BCAR3: variants seen among roughly 807,000 people sequenced by gnomAD.
BCAR3 encodes the protein breast cancer anti-estrogen resistance protein 3.
In BCAR3, 37 loss-of-function variants were observed where a neutral mutation model predicts 80.1. The ratio of observed to expected loss-of-function variants is 0.46; its 90% CI spans 0.36 to 0.61. BCAR3 has a LOEUF of 0.61. Ranked by LOEUF, BCAR3 falls within the 20% of genes least tolerant of loss-of-function variation. The probability of loss-of-function intolerance (pLI) is 0.00; values close to 1 mark genes in which losing one functional copy is unlikely to be tolerated. For synonymous variants in BCAR3, 389 were observed against 418.9 expected (o/e 0.93, Z 0.87); for missense variants, 978 against 1,068.2 (o/e 0.92, Z 1.18).
chr1:93,672,334 C>G (rs3754200), intron 2 of BCAR3, among the ~76,000 whole-genome samples: 3,673 of 152,234 alleles, frequency 0.024, 100 homozygotes, highest in East Asian at 0.14. Flanking sequence ...CCACCCACCC[C>G]CCTAGTGTGG....
chr1:93,711,016 A>G (rs1260546423), intron 2 of BCAR3, among the ~76,000 whole-genome samples: 1 of 151,080 alleles, frequency 6.6e-6, no homozygotes, highest in East Asian at 2.0e-4. Context: ...TCCTTACCAT[A>G]TGACCCCTCC....
At chr1:93,688,046 A>T (rs542693850) in intron 3 of BCAR3, among the ~76,000 whole-genome samples, 1 of 152,378 alleles carries the variant, frequency 6.6e-6, no homozygotes, top group African/African-American at 2.4e-5. Context: ...AAATTCTGCA[A>T]TATTTTCAGA....
chr1:93,593,427 T>A (rs1674293073), intron 3 of BCAR3, among the ~76,000 whole-genome samples: 1 of 152,194 alleles, frequency 6.6e-6, no homozygotes. Context: ...CTCAGCTCAC[T>A]GTAGCCTTGG....
At chr1:93,747,155 G>T (rs61781049) in intron 2 of BCAR3, among the ~76,000 whole-genome samples, 9,664 of 152,282 alleles carry the variant, frequency 0.063, 365 homozygotes, top group South Asian at 0.091. Context: ...AGGAGAGGTA[G>T]TCTGGATACT....
chr1:93,644,671 A>G (rs1307696744), intron 2 of BCAR3, among the ~76,000 whole-genome samples: 1 of 152,148 alleles, frequency 6.6e-6, no homozygotes, highest in Non-Finnish European at 1.5e-5. Context: ...GACTCTTTTC[A>G]TTGACAATAA....
intron 3 of BCAR3, among the ~76,000 whole-genome samples, chr1:93,621,997 G>T (rs968321056): frequency 2.6e-5 from 4 of 152,056 alleles, no homozygotes; most frequent in Non-Finnish European, 4.4e-5. Flanking sequence ...TCAGCCTCCC[G>T]AGTAGCTGGG....
chr1:93,810,682 T>C (rs139351842), intron 2 of BCAR3, among the ~76,000 whole-genome samples: 2 of 152,198 alleles, frequency 1.3e-5, no homozygotes, highest in South Asian at 2.1e-4. Context: ...CGTGCCCAGA[T>C]AGTACTGGCT....
intron 3 of BCAR3, chr1:93,594,662 G>A (rs909645228): frequency 2.0e-5 from 3 of 152,234 alleles, no homozygotes; most frequent in Admixed American, 6.5e-5. Context: ...CCCCCATTGA[G>A]TCACCCTGAC....
intron 3 of BCAR3, among the ~76,000 whole-genome samples, chr1:93,619,446 T>A (rs920685924): frequency 1.3e-5 from 2 of 152,170 alleles, no homozygotes; most frequent in Non-Finnish European, 2.9e-5. Flanking sequence ...ATTCACCACC[T>A]ACTTCCCAAG....
chr1:93,674,079 T>C (rs559774952), intron 2 of BCAR3, among the ~76,000 whole-genome samples: 18 of 152,328 alleles, frequency 1.2e-4, no homozygotes, highest in African/African-American at 4.1e-4. Context: ...GAAAGGAACA[T>C]ACCAAAATAT....
intron 2 of BCAR3, among the ~76,000 whole-genome samples, chr1:93,837,758 C>T (rs1275539726): frequency 6.6e-6 from 1 of 152,220 alleles, no homozygotes; most frequent in Non-Finnish European, 1.5e-5. Context: ...GCCACATTCT[C>T]ACATTCTAGG....
chr1:93,808,590 T>C (rs12076074), intron 2 of BCAR3, among the ~76,000 whole-genome samples: 12,964 of 152,122 alleles, frequency 0.085, 1,080 homozygotes, highest in African/African-American at 0.21. Context: ...GAAGAGAAAT[T>C]GCAATATGGC....
intron 1 of BCAR3, among the ~76,000 whole-genome samples, chr1:93,679,106 C>A (rs1316473775): frequency 6.6e-6 from 1 of 152,316 alleles, no homozygotes; most frequent in East Asian, 1.9e-4. Flanking sequence ...TGGCCTGGGA[C>A]AAGTTACTCA....
intron 1 of BCAR3, among the ~76,000 whole-genome samples, chr1:93,675,724 T>G (rs994183360): frequency 6.6e-6 from 1 of 151,092 alleles, no homozygotes; most frequent in African/African-American, 2.4e-5. Context: ...AAAGGAAGCA[T>G]GGAAAGGGAA....
At chr1:93,631,268 G>T (rs543180347) in intron 3 of BCAR3, among the ~76,000 whole-genome samples, 2 of 152,298 alleles carry the variant, frequency 1.3e-5, no homozygotes, top group Middle Eastern at 6.8e-3. Flanking sequence ...GTGGATTAGG[G>T]CCCATCCTTG....
chr1:93,765,348 T>C (rs1652109057), intron 2 of BCAR3, among the ~76,000 whole-genome samples: 1 of 152,212 alleles, frequency 6.6e-6, no homozygotes, highest in Non-Finnish European at 1.5e-5. Context: ...ATGTTAATAT[T>C]AATACTACCT....
At position 93,650,157 on chromosome 1, in the gene BCAR3, G is replaced by A. The variant is rs558515593; in HGVS notation, c.318-7814C>T. Among the ~76,000 whole-genome samples the A allele has an allele frequency of 2.1e-3, 314 of 152,286 alleles. 6 individuals are homozygous for A. Among genetic ancestry groups the A allele is most frequent in the Non-Finnish European group, 1.1e-3 (78 of 68,028 alleles). On this transcript the variant is annotated intron_variant, in intron 2 of 11. Coordinates refer to ENST00000260502, the MANE Select transcript of BCAR3 (RefSeq NM_003567.4). ...CTCAACACTTTGGGAGGCCGAGGCAGGCAGATCACTTGAGGTCACGAGTTC... is the reference window on the plus strand; with the variant it reads ...CTCAACACTTTGGGAGGCCGAGGCAAGCAGATCACTTGAGGTCACGAGTTC...
intron 2 of BCAR3, among the ~76,000 whole-genome samples, chr1:93,657,518 T>C (rs536190877): frequency 6.6e-6 from 1 of 152,020 alleles, no homozygotes; most frequent in Admixed American, 6.5e-5. Flanking sequence ...TATGAACAAA[T>C]CCTAAAAAAG....
intron 2 of BCAR3, among the ~76,000 whole-genome samples, chr1:93,672,107 A>C (rs1043466003): frequency 7.9e-5 from 12 of 152,338 alleles, no homozygotes; most frequent in African/African-American, 2.4e-4. Flanking sequence ...AACAAACCCT[A>C]AACCAGGAGT....
Sources: gnomAD v4.1 joint callset for allele counts (sites outside exome capture counted in the v4.1 genomes callset) on GRCh38, gnomAD v4.1.1 for gene constraint, MANE v1.5 for transcripts, NCBI Gene and HGNC (gene_info 2026-07-23, HGNC 2026-07-21) for gene names.